The following RNF212B variants were observed in gnomAD, a reference collection of about 807,000 sequenced individuals.
The protein encoded by RNF212B is ring finger protein 212B, also known as E3 ubiquitin-protein ligase RNF212B.
Under a neutral mutation model 55.5 loss-of-function variants are expected in RNF212B, and 52 were observed. That is an observed-to-expected ratio of 0.94 (90% CI 0.75 to 1.18). The LOEUF (loss-of-function observed/expected upper bound fraction) is 1.18. RNF212B is among the 50% of genes most tolerant of loss of function. The pLI, the probability that RNF212B is intolerant of heterozygous loss-of-function variation, is 0.00. For missense variants in RNF212B, 289 were observed against 350.4 expected, an observed-to-expected ratio of 0.82 and a Z score of 1.40; for synonymous variants, 99 against 121.4, an observed-to-expected ratio of 0.82 and a Z score of 1.21.
intron 2 of RNF212B, among the ~76,000 whole-genome samples, chr14:23,241,237 A>T (rs1883542184): frequency 6.6e-6 from 1 of 152,200 alleles, no homozygotes; most frequent in Non-Finnish European, 1.5e-5. Context: ...GTACAAAGAC[A>T]TATTACATCA....
At chr14:23,270,417 C>G (rs1415198021) in intron 13 of RNF212B, among the ~76,000 whole-genome samples, 183 bp from the exon 14 acceptor site, 1 of 152,244 alleles carries the variant, frequency 6.6e-6, no homozygotes, top group Non-Finnish European at 1.5e-5. Flanking sequence ...TCAGACCTCT[C>G]TGCCAGTACC....
At chr14:23,265,423 C>G (rs1478091488) in intron 11 of RNF212B, among the ~76,000 whole-genome samples, 1 of 152,100 alleles carries the variant, frequency 6.6e-6, no homozygotes, top group Non-Finnish European at 1.5e-5. Flanking sequence ...TACCTAAAGC[C>G]CCTTAAAATT....
chr14:23,206,376 T>A (rs1420644656), intron 2 of RNF212B, among the ~76,000 whole-genome samples: 1 of 152,192 alleles, frequency 6.6e-6, no homozygotes, highest in Non-Finnish European at 1.5e-5. Context: ...CCCGGCCTAG[T>A]CTTTTCTTTT....
At chr14:23,230,034 C>A in intron 2 of RNF212B, 2 of 211,084 alleles carry the variant, frequency 9.5e-6, no homozygotes, top group South Asian at 1.7e-4. Context: ...AGTTTTCATC[C>A]AAATCCACTG....
chr14:23,221,286 T>C (rs1297204591), intron 2 of RNF212B, among the ~76,000 whole-genome samples: 1 of 143,248 alleles, frequency 7.0e-6, no homozygotes, highest in Non-Finnish European at 1.5e-5. Flanking sequence ...TACACATAGA[T>C]AAAGGGATGT....
rs1010633260 is a variant in RNF212B, at chr14:23,220,826, A to C, written c.-1-19519A>C. On this transcript the variant is annotated intron_variant, in intron 2 of 15. Coordinates refer to the RNF212B transcript ENST00000399910. ...GGAGACAGAGCAAGACTCCATCAAAAAAAACAAAACAAAACAAAAAACAAA... is the reference window on the plus strand; with the variant it reads ...GGAGACAGAGCAAGACTCCATCAAACAAAACAAAACAAAACAAAAAACAAA... 5.9e-5 allele frequency among the ~76,000 whole-genome samples: 9 copies of C among 152,136 alleles called. No individual in the cohort carries two copies. In the East Asian group the frequency reaches 7.7e-4, roughly 13 times the overall value.
At chr14:23,230,741 A>G (rs1458619147) in intron 2 of RNF212B, among the ~76,000 whole-genome samples, 1 of 146,726 alleles carries the variant, frequency 6.8e-6, no homozygotes, top group African/African-American at 2.5e-5. Flanking sequence ...TAAGAGTTTT[A>G]GAGTTTTCAC....
At chr14:23,189,579 G>A (rs1877919053) in intron 1 of RNF212B, among the ~76,000 whole-genome samples, 1 of 152,062 alleles carries the variant, frequency 6.6e-6, no homozygotes, top group Admixed American at 6.6e-5. Flanking sequence ...AAGGCGGGAG[G>A]ATCGCTTGAG....
In RNF212B at chr14:23,265,603, T is replaced by C. The variant is rs182516103; in HGVS notation, c.634+932T>C. 2.6e-5 allele frequency among the ~76,000 whole-genome samples: 4 copies of C among 152,322 alleles called. No homozygotes were observed. In the East Asian group the frequency reaches 7.7e-4, roughly 29 times the overall value. ...AAATCTCCCACTCCTTTGAAAAACA[T>C]AGATGTTCTAGCCAATTTATTTCTG... On this transcript the variant is annotated intron_variant, in intron 11 of 14. Coordinates refer to ENST00000430154, the MANE Select transcript of RNF212B (RefSeq NM_001282322.3).
At chr14:23,238,727 C>A (rs1033019435) in intron 1 of RNF212B, among the ~76,000 whole-genome samples, 2 of 144,806 alleles carry the variant, frequency 1.4e-5, no homozygotes, top group African/African-American at 5.1e-5. Flanking sequence ...CAGAGCCAGA[C>A]CCTGTCTCAA....
chr14:23,269,341 T>C (rs564298713), intron 12 of RNF212B, among the ~76,000 whole-genome samples: 1 of 152,222 alleles, frequency 6.6e-6, no homozygotes, highest in East Asian at 1.9e-4. Context: ...CCAGCAGTCC[T>C]GGGATTACTT....
intron 1 of RNF212B, among the ~76,000 whole-genome samples, chr14:23,189,808 A>G (rs1310147220): frequency 6.6e-6 from 1 of 152,074 alleles, no homozygotes; most frequent in Non-Finnish European, 1.5e-5. Flanking sequence ...TTCTTATCTG[A>G]AAATATGTGA....
chr14:23,237,154 G>T (rs1883173530), upstream of RNF212B, among the ~76,000 whole-genome samples: 1 of 150,730 alleles, frequency 6.6e-6, no homozygotes, highest in South Asian at 2.1e-4. Flanking sequence ...TTTAAAGACG[G>T]AGTCTCTCTC....
chr14:23,263,843 T>G (rs1046254448), intron 9 of RNF212B, among the ~76,000 whole-genome samples: 4 of 152,176 alleles, frequency 2.6e-5, no homozygotes, highest in African/African-American at 4.8e-5. Flanking sequence ...ATCCCAGCAC[T>G]TTGGGAGGCT....
intron 2 of RNF212B, among the ~76,000 whole-genome samples, chr14:23,209,277 C>T (rs972809306): frequency 2.6e-5 from 4 of 151,870 alleles, no homozygotes; most frequent in African/African-American, 9.7e-5. Flanking sequence ...TTTACCGCAA[C>T]CTGTTTTACC....
chr14:23,206,695 A>T (rs571042583), intron 2 of RNF212B, among the ~76,000 whole-genome samples: 1 of 152,170 alleles, frequency 6.6e-6, no homozygotes, highest in Non-Finnish European at 1.5e-5. Flanking sequence ...AATTTACATC[A>T]TAAGGTAGAG....
At chr14:23,202,953 G>C (rs561308496) in intron 2 of RNF212B, among the ~76,000 whole-genome samples, 1 of 151,750 alleles carries the variant, frequency 6.6e-6, no homozygotes, top group East Asian at 1.9e-4. Context: ...ATGTTACAAG[G>C]ACTTTATTTT....
chr14:23,230,583 G>T (rs1412469679), intron 2 of RNF212B, among the ~76,000 whole-genome samples: 1 of 148,030 alleles, frequency 6.8e-6, no homozygotes, highest in Non-Finnish European at 1.5e-5. Flanking sequence ...GAACCCGGGA[G>T]GCGGAGCTTG....
chr14:23,258,512 T>C (rs1885028485), intron 4 of RNF212B, 37 bp from the exon 5 acceptor site: 5 of 997,668 alleles, frequency 5.0e-6, no homozygotes, highest in Admixed American at 2.5e-5. Flanking sequence ...AAAGGAGTTA[T>C]GGGAGAGTAT....
Sources: gnomAD v4.1 joint callset for allele counts (sites outside exome capture counted in the v4.1 genomes callset) on GRCh38, gnomAD v4.1.1 for gene constraint, MANE v1.5 for transcripts, NCBI Gene and HGNC (gene_info 2026-07-23, HGNC 2026-07-21) for gene names.